Variants in WLS observed in about 807,000 individuals in gnomAD.
The protein encoded by WLS is Wnt ligand secretion mediator.
A neutral mutation model predicts 62.8 loss-of-function variants in WLS; 23 were observed. That is an observed-to-expected ratio of 0.37 (90% CI 0.26 to 0.52). WLS has a LOEUF of 0.52. Among genes scored for constraint, WLS ranks in the 20% least tolerant of loss-of-function variants. WLS has a pLI of 0.92. For missense variants in WLS, 615 were observed against 697.3 expected (o/e 0.88, Z 1.33); for synonymous variants, 246 against 244.1 (o/e 1.01, Z -0.07).
intron 11 of WLS, among the ~76,000 whole-genome samples, chr1:68,115,901 T>C (rs1233530581): frequency 6.6e-6 from 1 of 152,130 alleles, no homozygotes; most frequent in Non-Finnish European, 1.5e-5. Flanking sequence ...CCACTAGTCT[T>C]CCACCCTCTC....
chr1:68,157,410 G>A (rs182023863), intron 3 of WLS, among the ~76,000 whole-genome samples: 4 of 152,160 alleles, frequency 2.6e-5, no homozygotes, highest in Non-Finnish European at 4.4e-5. Context: ...AGACAAGTTC[G>A]TTGTATCCTG....
chr1:68,101,711 A>G (rs1406677600), intron 11 of WLS, among the ~76,000 whole-genome samples: 1 of 152,214 alleles, frequency 6.6e-6, no homozygotes, highest in African/African-American at 2.4e-5. Context: ...CAAGAAATCT[A>G]GAAACTTCAT....
At chr1:68,210,327 G>A (rs1009563702) in intron 1 of WLS, among the ~76,000 whole-genome samples, 4 of 152,134 alleles carry the variant, frequency 2.6e-5, no homozygotes, top group Admixed American at 2.0e-4. Flanking sequence ...GAAAGTCAAA[G>A]GAGAGAAATG....
At chr1:68,191,095 C>A (rs951270668) in intron 2 of WLS, among the ~76,000 whole-genome samples, 5 of 150,738 alleles carry the variant, frequency 3.3e-5, no homozygotes, top group Non-Finnish European at 7.4e-5. Flanking sequence ...GTTGAAAGCT[C>A]CTAACTTTTA....
chr1:68,220,865 C>A (rs146904154), intron 1 of WLS, among the ~76,000 whole-genome samples: 1 of 152,190 alleles, frequency 6.6e-6, no homozygotes, highest in South Asian at 2.1e-4. Context: ...TGTAACTAGC[C>A]GAAGTTTTAA....
At chr1:68,116,037 G>T (rs1364116741) in intron 11 of WLS, among the ~76,000 whole-genome samples, 1 of 152,160 alleles carries the variant, frequency 6.6e-6, no homozygotes, top group Non-Finnish European at 1.5e-5. Flanking sequence ...GCTGTAGGTT[G>T]TCCCTTTGTC....
At chr1:68,218,166 A>T (rs1649808826) in intron 1 of WLS, among the ~76,000 whole-genome samples, 1 of 152,228 alleles carries the variant, frequency 6.6e-6, no homozygotes, top group African/African-American at 2.4e-5. Context: ...TTTATAGAAA[A>T]TTGGAAATAT....
intron 2 of WLS, 97 bp downstream of exon 2, chr1:68,193,858 T>C: frequency 6.8e-7 from 1 of 1,475,656 alleles, no homozygotes; most frequent in Non-Finnish European, 9.2e-7. Flanking sequence ...TTGCTATTAC[T>C]ATTACCATTT....
intron 1 of WLS, among the ~76,000 whole-genome samples, chr1:68,225,403 A>T (rs1650102338): frequency 6.6e-6 from 1 of 152,094 alleles, no homozygotes; most frequent in Non-Finnish European, 1.5e-5. Context: ...TTTCTCTAGA[A>T]CTGTGCAGAG....
chr1:68,161,475 G>A (rs1484512871), intron 2 of WLS, among the ~76,000 whole-genome samples: 2 of 152,196 alleles, frequency 1.3e-5, no homozygotes, highest in East Asian at 3.8e-4. Context: ...AAAGGAAAAA[G>A]CTCTATTTAT....
intron 11 of WLS, among the ~76,000 whole-genome samples, chr1:68,100,151 G>C (rs1167029694): frequency 6.6e-5 from 10 of 152,210 alleles, no homozygotes. Flanking sequence ...ATTCTAATCT[G>C]TTTGTGTTAC....
At chr1:68,206,728 A>G (rs945435074) in intron 1 of WLS, among the ~76,000 whole-genome samples, 3 of 152,210 alleles carry the variant, frequency 2.0e-5, no homozygotes, top group African/African-American at 7.2e-5. Flanking sequence ...AAATTATTCA[A>G]TCAATCTTGG....
At chr1:68,229,002 A>T (rs1407681630) in intron 1 of WLS, among the ~76,000 whole-genome samples, 1 of 150,304 alleles carries the variant, frequency 6.7e-6, no homozygotes, top group Admixed American at 6.7e-5. Flanking sequence ...GTGAATGTTT[A>T]AATTTTCTCC....
Position 68,125,430 on chromosome 1 carries a change from T to C in WLS, c.*796A>G, listed in dbSNP as rs906209303. On this transcript the variant is annotated 3_prime_UTR_variant, in exon 12 of 12. Coordinates refer to ENST00000262348, the MANE Select transcript of WLS (RefSeq NM_024911.7). ...ATACAGGTTTATTTAAATGATTGGATCTACACTTTTGGAGGCTATTTGAAG... is the reference window on the plus strand; with the variant it reads ...ATACAGGTTTATTTAAATGATTGGACCTACACTTTTGGAGGCTATTTGAAG... 1.0e-6 allele frequency: 1 copy of C among 985,332 alleles called. No homozygotes were observed. The highest frequency in any genetic ancestry group is 1.7e-5 in the African/African-American group (1 of 57,236). The allele number at this position is 985,332 out of a possible 1,614,324, so 61.0% of individuals were successfully genotyped here. A position where few individuals can be genotyped will look rare whatever the true frequency, so the allele number is the denominator to read the frequency against.
At position 68,161,880 on chromosome 1, in the gene WLS, T is replaced by C. The variant is rs1337236241; in HGVS notation, c.380-2633A>G. On this transcript the variant is annotated intron_variant, in intron 2 of 11. Coordinates refer to ENST00000262348, the MANE Select transcript of WLS (RefSeq NM_024911.7). ...CTGGGATGCCTCCAGGGATGATCCC[T>C]TCCACGGCTGCAGGAAGTCCTCCTG... The C allele has an allele frequency of 9.3e-6, 15 of 1,608,778 alleles. No homozygotes were observed. The South Asian group carries it at 1.7e-4, about 18-fold the overall frequency.
intron 2 of WLS, chr1:68,163,207 CACACTATAAATCTGT>C (rs1647009585): frequency 9.0e-6 from 6 of 670,246 alleles, no homozygotes; most frequent in Non-Finnish European, 1.6e-5. Flanking sequence ...TAAATCTGTA[CACACTATAAATCTGT>C]ACACTATAAA....
downstream of WLS, among the ~76,000 whole-genome samples, chr1:68,124,838 AAAC>A (rs202190832): frequency 7.2e-4 from 110 of 152,318 alleles, no homozygotes; most frequent in East Asian, 0.018. Context: ...AGTGTCTGAA[AAAC>A]AAGTTACTCA....
In WLS at chr1:68,109,511, A is replaced by T. The variant is rs1244468598; in HGVS notation, c.1511-10758T>A. 3.3e-5 allele frequency among the ~76,000 whole-genome samples: 5 copies of T among 152,230 alleles called. No individual in the cohort carries two copies. The East Asian group carries it at 9.6e-4, about 29-fold the overall frequency. Reference sequence around the variant, plus strand: ...GTATAATAATTACAAAATTCATTCAAAAAATATGAAGTCACAGAAATAGGC... The same window carrying T: ...GTATAATAATTACAAAATTCATTCATAAAATATGAAGTCACAGAAATAGGC... On this transcript the variant is annotated intron_variant, in intron 11 of 11. Coordinates refer to the WLS transcript ENST00000354777.
At chr1:68,171,195 G>A (rs1647148466) in intron 2 of WLS, among the ~76,000 whole-genome samples, 1 of 152,052 alleles carries the variant, frequency 6.6e-6, no homozygotes. Flanking sequence ...TGGATGTAAA[G>A]CCTAAAACCA....
Sources: gnomAD v4.1 joint callset for allele counts (sites outside exome capture counted in the v4.1 genomes callset) on GRCh38, gnomAD v4.1.1 for gene constraint, MANE v1.5 for transcripts, NCBI Gene and HGNC (gene_info 2026-07-23, HGNC 2026-07-21) for gene names.